Variants in GABRA1 observed in about 807,000 individuals in gnomAD.
GABRA1 encodes gamma-aminobutyric acid receptor subunit alpha-1.
In GABRA1, 9 loss-of-function variants were observed where a neutral mutation model predicts 48.9. The observed-to-expected ratio is 0.18, with a 90% CI of 0.11 to 0.32. The LOEUF is 0.32. GABRA1 is among the 10% of genes least tolerant of loss of function. GABRA1 has a pLI of 1.00. For synonymous variants in GABRA1, 210 were observed against 198.7 expected, an observed-to-expected ratio of 1.06 and a Z score of -0.48; for missense variants, 285 against 553.8, an observed-to-expected ratio of 0.51 and a Z score of 4.87.
At chr5:161,895,640 A>T in intron 8 of GABRA1, 26 bp from the exon 9 acceptor site, 1 of 1,588,704 alleles carries the variant, frequency 6.3e-7, no homozygotes, top group Non-Finnish European at 8.6e-7. Context: ...AACTGGCATC[A>T]TGTATGTTTT....
intron 3 of GABRA1, among the ~76,000 whole-genome samples, chr5:161,862,438 C>T (rs540202008): frequency 1.3e-5 from 2 of 151,856 alleles, no homozygotes; most frequent in South Asian, 4.2e-4. Flanking sequence ...TTCCCTGGAT[C>T]TTACTAAATT....
At chr5:161,854,807 T>C (rs1386399527) in intron 3 of GABRA1, among the ~76,000 whole-genome samples, 1 of 151,600 alleles carries the variant, frequency 6.6e-6, no homozygotes, top group Non-Finnish European at 1.5e-5. Context: ...TGTAATACAA[T>C]TTTATTTTAC....
intron 7 of GABRA1, 31 bp from the exon 8 acceptor site, chr5:161,890,867 G>T (rs756815407): frequency 8.7e-6 from 14 of 1,606,838 alleles, no homozygotes; most frequent in Middle Eastern, 1.7e-4. Context: ...AAGTCAAATT[G>T]CTCATCTTTC....
intron 4 of GABRA1, among the ~76,000 whole-genome samples, chr5:161,867,689 T>C (rs1050449405): frequency 6.6e-6 from 1 of 152,126 alleles, no homozygotes; most frequent in African/African-American, 2.4e-5. Flanking sequence ...GCAGACCTCA[T>C]GGAAATTTCT....
chr5:161,896,176 C>T (rs985445075), intron 9 of GABRA1, among the ~76,000 whole-genome samples: 1 of 152,058 alleles, frequency 6.6e-6, no homozygotes, highest in African/African-American at 2.4e-5. Context: ...ATATTAGGAG[C>T]AAATAAACTT....
intron 4 of GABRA1, among the ~76,000 whole-genome samples, chr5:161,867,723 A>G (rs370948849): frequency 1.7e-4 from 26 of 152,206 alleles, no homozygotes; most frequent in African/African-American, 5.8e-4. Flanking sequence ...CATCTAAATC[A>G]AATACTTCCG....
chr5:161,880,174 A>G (rs994156034), intron 6 of GABRA1, among the ~76,000 whole-genome samples: 1 of 152,138 alleles, frequency 6.6e-6, no homozygotes, highest in Non-Finnish European at 1.5e-5. Flanking sequence ...TAAACAAGTC[A>G]TTTATTTTTT....
At chr5:161,863,930 CAACAGTGTTAGAAAATTA>C (rs1427917162) in intron 3 of GABRA1, among the ~76,000 whole-genome samples, 1 of 151,858 alleles carries the variant, frequency 6.6e-6, no homozygotes, top group Non-Finnish European at 1.5e-5. Context: ...TTAATGTTTT[CAACAGTGTTAGAAAATTA>C]GCAGAGTTTT....
chr5:161,854,386 C>A, intron 3 of GABRA1, 116 bp downstream of exon 3: 2 of 718,088 alleles, frequency 2.8e-6, no homozygotes, highest in Non-Finnish European at 5.1e-6. Flanking sequence ...AATTTAATGA[C>A]AAATCTATTT....
At chr5:161,895,097 G>T (rs910827390) in intron 8 of GABRA1, among the ~76,000 whole-genome samples, 7 of 151,998 alleles carry the variant, frequency 4.6e-5, no homozygotes, top group African/African-American at 1.7e-4. Flanking sequence ...ATATATGTCA[G>T]ATTTAGGAAT....
chr5:161,895,573 T>C, intron 8 of GABRA1, 93 bp from the exon 9 acceptor site: 1 of 1,131,806 alleles, frequency 8.8e-7, no homozygotes, highest in Non-Finnish European at 1.3e-6. Context: ...GTCATGATAC[T>C]GTTGATTTCC....
intron 7 of GABRA1, among the ~76,000 whole-genome samples, chr5:161,883,122 CTATT>C (rs1366155881): frequency 3.9e-5 from 6 of 151,992 alleles, no homozygotes; most frequent in Admixed American, 6.6e-5. Context: ...TCATAAATAA[CTATT>C]TATATAGTCT....
At chr5:161,892,728 G>T (rs761287397) in intron 8 of GABRA1, among the ~76,000 whole-genome samples, 1 of 152,028 alleles carries the variant, frequency 6.6e-6, no homozygotes, top group Non-Finnish European at 1.5e-5. Context: ...AGGACAGGCC[G>T]GGCACGGGGC....
chr5:161,876,031 CGTT>C (rs1248061079), intron 6 of GABRA1, among the ~76,000 whole-genome samples: 9 of 152,060 alleles, frequency 5.9e-5, no homozygotes, highest in Non-Finnish European at 1.0e-4. Context: ...TAATTAAATT[CGTT>C]TACCAGATTA....
intron 3 of GABRA1, 55 bp from the exon 4 acceptor site, chr5:161,865,666 G>T (rs2113353829): frequency 7.2e-7 from 1 of 1,381,070 alleles, no homozygotes; most frequent in Non-Finnish European, 1.0e-6. Flanking sequence ...GTGGTGGTGA[G>T]ATCTAATAAG....
rs961640646 is a variant in GABRA1 at position 161,899,440 on chromosome 5, C to T, written c.*2018C>T. ...TGTTGCTGTTTATCTTGTTATTTTT[C>T]GGCGTTATACTAATGTGTTTATTGA... is the stretch of plus-strand genomic sequence containing the variant. On this transcript the variant is annotated 3_prime_UTR_variant, in exon 10 of 10. Transcript: ENST00000393943. The T allele has an allele frequency of 6.6e-5, 10 of 152,000 alleles. No individual in the cohort carries two copies. Among genetic ancestry groups the T allele is most frequent in the African/African-American group, 1.2e-4 (5 of 41,370 alleles). 9.4% of individuals were successfully genotyped at this position (152,000 alleles called of 1,614,324 possible). A position where few individuals can be genotyped will look rare whatever the true frequency, so the allele number is the denominator to read the frequency against.
chr5:161,867,395 A>G (rs1373876892), intron 4 of GABRA1, among the ~76,000 whole-genome samples: 1 of 152,128 alleles, frequency 6.6e-6, no homozygotes, highest in Non-Finnish European at 1.5e-5. Context: ...TATTTGTTTT[A>G]GTCCTGCTTT....
chr5:161,848,589 G>A (rs971809701), intron 1 of GABRA1, 167 bp downstream of exon 1: 1 of 177,580 alleles, frequency 5.6e-6, no homozygotes, highest in East Asian at 1.9e-4. Flanking sequence ...GAGCGAGCAG[G>A]ACAGGAGCCT....
In GABRA1 at chr5:161,890,858, A is replaced by G. The variant is rs376034673; in HGVS notation, c.704-40A>G. On this transcript the variant is annotated intron_variant, in intron 7 of 9. Coordinates refer to ENST00000393943, the MANE Select transcript of GABRA1 (RefSeq NM_001127644.2). ...AACCTCAGAGATTACCTTTTTCTAA[A>G]GTCAAATTGCTCATCTTTCTTGTGT... 6 of 1,598,244 alleles carry G rather than the reference A, an allele frequency of 3.8e-6. No individual in the cohort carries two copies. In the African/African-American group the frequency reaches 5.4e-5, roughly 14 times the overall value.
Sources: allele counts gnomAD v4.1 joint callset (sites outside exome capture counted in the v4.1 genomes callset), GRCh38; gene constraint gnomAD v4.1.1; transcripts MANE v1.5; gene names NCBI Gene and HGNC (gene_info 2026-07-23, HGNC 2026-07-21).